The following SGCD variants were observed in gnomAD, a reference collection of about 807,000 sequenced individuals.
SGCD encodes the protein sarcoglycan delta.
Under a neutral mutation model 36.6 loss-of-function variants are expected in SGCD, and 18 were observed. The ratio of observed to expected loss-of-function variants is 0.49; its 90% CI spans 0.34 to 0.73. SGCD has a LOEUF of 0.73. Among genes scored for constraint, SGCD ranks in the 30% least tolerant of loss-of-function variants. The pLI, the probability that SGCD is intolerant of heterozygous loss-of-function variation, is 0.01. For missense variants in SGCD, 387 were observed against 346.7 expected, an observed-to-expected ratio of 1.12 and a Z score of -0.92; for synonymous variants, 133 against 130.6, an observed-to-expected ratio of 1.02 and a Z score of -0.12.
At chr5:155,817,385 A>T in the SGCD span, among the ~76,000 whole-genome samples, 1 of 151,634 alleles carries the variant, frequency 6.6e-6, no homozygotes, top group African/African-American at 2.4e-5. Flanking sequence ...GCCACTAGCA[A>T]GGTATCTAGG....
intron 3 of SGCD, among the ~76,000 whole-genome samples, chr5:156,226,353 A>G (rs1764858795): frequency 6.6e-6 from 1 of 152,154 alleles, no homozygotes; most frequent in Non-Finnish European, 1.5e-5. Flanking sequence ...TTTTACCTAC[A>G]ATAAGAGTCT....
intron 3 of SGCD, among the ~76,000 whole-genome samples, chr5:156,241,055 A>G (rs1040287133): frequency 1.3e-5 from 2 of 152,196 alleles, no homozygotes; most frequent in African/African-American, 2.4e-5. Flanking sequence ...CCACTGTGAG[A>G]GTCAGGGCAT....
chr5:156,448,528 G>A (rs1753845959), intron 3 of SGCD, among the ~76,000 whole-genome samples: 1 of 152,030 alleles, frequency 6.6e-6, no homozygotes, highest in South Asian at 2.1e-4. Context: ...GGGTTCAGAA[G>A]CATAAGCTGG....
At chr5:156,590,290 C>A (rs550380948) in intron 5 of SGCD, among the ~76,000 whole-genome samples, 1 of 152,130 alleles carries the variant, frequency 6.6e-6, no homozygotes, top group Non-Finnish European at 1.5e-5. Flanking sequence ...GGGGAGGGAG[C>A]CTCACTCCCA....
At chr5:156,288,857 C>T (rs1250178948) in intron 3 of SGCD, among the ~76,000 whole-genome samples, 3 of 152,098 alleles carry the variant, frequency 2.0e-5, no homozygotes, top group Non-Finnish European at 4.4e-5. Flanking sequence ...CACTTTCTGA[C>T]TTTATGCCAT....
chr5:156,198,678 A>G (rs377376176), intron 3 of SGCD, among the ~76,000 whole-genome samples: 135 of 152,198 alleles, frequency 8.9e-4, no homozygotes, highest in African/African-American at 3.2e-3. Flanking sequence ...ATTGAATGCT[A>G]CAGAATTTCT....
chr5:156,575,605 A>G (rs193271430), intron 4 of SGCD, among the ~76,000 whole-genome samples: 1 of 152,334 alleles, frequency 6.6e-6, no homozygotes, highest in East Asian at 1.9e-4. Flanking sequence ...AGTTCTATTG[A>G]GAGTCCACCA....
chr5:156,423,355 A>T (rs1773490264), intron 3 of SGCD, among the ~76,000 whole-genome samples: 1 of 79,300 alleles, frequency 1.3e-5, no homozygotes, highest in African/African-American at 5.1e-5. Flanking sequence ...TTATAATTTT[A>T]TTATAATATA....
chr5:155,878,706 A>C (rs1230694546), intron 1 of SGCD, among the ~76,000 whole-genome samples: 1 of 152,096 alleles, frequency 6.6e-6, no homozygotes, highest in Non-Finnish European at 1.5e-5. Context: ...TTGCCAGCCA[A>C]TGGTGTCTGT....
intron 1 of SGCD, among the ~76,000 whole-genome samples, chr5:156,004,923 A>G (rs1253618678): frequency 1.3e-5 from 2 of 152,138 alleles, no homozygotes; most frequent in Non-Finnish European, 2.9e-5. Flanking sequence ...AAAATAGATA[A>G]AAGAAAAACC....
At chr5:155,738,163 A>G in the SGCD span, among the ~76,000 whole-genome samples, 1 of 152,292 alleles carries the variant, frequency 6.6e-6, no homozygotes. Flanking sequence ...GCCATACCCA[A>G]TGTATGAACA....
intron 7 of SGCD, among the ~76,000 whole-genome samples, chr5:156,757,145 A>T (rs1394846391): frequency 6.6e-6 from 1 of 150,394 alleles, no homozygotes; most frequent in South Asian, 2.1e-4. Flanking sequence ...TCCTAGACCC[A>T]TTTTTTTAAC....
chr5:156,268,947 T>C (rs1394511918), intron 3 of SGCD, among the ~76,000 whole-genome samples: 1 of 152,090 alleles, frequency 6.6e-6, no homozygotes, highest in Non-Finnish European at 1.5e-5. Context: ...TTCGTATGTA[T>C]ATTGGCTGCA....
chr5:156,081,284 C>T (rs1027100064), intron 1 of SGCD, among the ~76,000 whole-genome samples: 11 of 152,306 alleles, frequency 7.2e-5, no homozygotes, highest in African/African-American at 2.4e-4. Context: ...GACAGCACCA[C>T]GCCATGAGGG....
the SGCD span, among the ~76,000 whole-genome samples, chr5:155,765,516 T>C: frequency 2.6e-3 from 394 of 152,090 alleles, 1 homozygote; most frequent in Middle Eastern, 0.01. Context: ...CAATCTAATA[T>C]AATCTAATAT....
chr5:156,431,612 A>G (rs1006359608), intron 3 of SGCD, among the ~76,000 whole-genome samples: 4 of 152,186 alleles, frequency 2.6e-5, no homozygotes, highest in Admixed American at 2.0e-4. Flanking sequence ...GTCTGCTGTT[A>G]AGATTATTTT....
chr5:156,133,721 A>G (rs113974187), intron 3 of SGCD, among the ~76,000 whole-genome samples: 87 of 151,948 alleles, frequency 5.7e-4, no homozygotes, highest in African/African-American at 2.1e-3. Flanking sequence ...TCAAATAGTT[A>G]CTGTTTTAGG....
intron 3 of SGCD, among the ~76,000 whole-genome samples, chr5:156,220,457 A>G (rs1764689720): frequency 6.6e-6 from 1 of 152,176 alleles, no homozygotes; most frequent in Non-Finnish European, 1.5e-5. Flanking sequence ...GAAATTACTT[A>G]TTGAAAAATT....
chr5:156,072,292 T>C (rs995268019), intron 1 of SGCD, among the ~76,000 whole-genome samples: 8 of 152,088 alleles, frequency 5.3e-5, no homozygotes, highest in Admixed American at 1.3e-4. Context: ...CCATGTTTAG[T>C]GCTTCCTTCA....
Sources: gnomAD v4.1 joint callset for allele counts (sites outside exome capture counted in the v4.1 genomes callset) on GRCh38, gnomAD v4.1.1 for gene constraint, MANE v1.5 for transcripts, NCBI Gene and HGNC (gene_info 2026-07-23, HGNC 2026-07-21) for gene names.